The following KCNH5 variants were observed in gnomAD, a reference collection of about 807,000 sequenced individuals.
The protein encoded by KCNH5 is potassium voltage-gated channel subfamily H member 5, also known as voltage-gated delayed rectifier potassium channel KCNH5.
KCNH5 carries 46 observed loss-of-function variants against 96.1 expected under a neutral mutation model. The ratio of observed to expected loss-of-function variants is 0.48; its 90% confidence interval spans 0.38 to 0.61. The LOEUF (loss-of-function observed/expected upper bound fraction) is 0.61. Ranked by LOEUF, KCNH5 falls within the 20% of genes least tolerant of loss-of-function variation. The pLI is 0.00. For missense variants in KCNH5, 907 were observed against 1,225.8 expected, an observed-to-expected ratio of 0.74 and a Z score of 3.88; for synonymous variants, 439 against 449.8, an observed-to-expected ratio of 0.98 and a Z score of 0.30.
At chr14:62,847,170 A>G (rs2140043221) in intron 8 of KCNH5, among the ~76,000 whole-genome samples, 1 of 147,942 alleles carries the variant, frequency 6.8e-6, no homozygotes, top group East Asian at 2.0e-4. Flanking sequence ...TATATATTAT[A>G]TATATAATTT....
At chr14:62,798,211 G>T (rs764457801) in intron 9 of KCNH5, among the ~76,000 whole-genome samples, 10 of 152,104 alleles carry the variant, frequency 6.6e-5, no homozygotes, top group Non-Finnish European at 1.3e-4. Flanking sequence ...AGAATTTGAA[G>T]TTACAACTAA....
chr14:62,895,347 T>G (rs528970552), intron 7 of KCNH5, among the ~76,000 whole-genome samples: 1 of 152,054 alleles, frequency 6.6e-6, no homozygotes, highest in East Asian at 1.9e-4. Flanking sequence ...TTTTTTTTTT[T>G]GAGACAAAGT....
At chr14:62,792,420 G>A (rs989621510) in intron 9 of KCNH5, among the ~76,000 whole-genome samples, 3 of 151,414 alleles carry the variant, frequency 2.0e-5, no homozygotes, top group African/African-American at 7.3e-5. Flanking sequence ...CCTTTAAGGA[G>A]GTAGAAGAAA....
chr14:62,943,817 A>G (rs1467770740), intron 7 of KCNH5, among the ~76,000 whole-genome samples: 2 of 152,140 alleles, frequency 1.3e-5, no homozygotes, highest in African/African-American at 4.8e-5. Context: ...AGAGAAGACA[A>G]ATTTAAGGTA....
chr14:62,815,402 A>G (rs988755704), intron 8 of KCNH5, among the ~76,000 whole-genome samples: 1 of 152,144 alleles, frequency 6.6e-6, no homozygotes, highest in African/African-American at 2.4e-5. Flanking sequence ...ATTTATTTAT[A>G]ATATAATTTG....
intron 4 of KCNH5, among the ~76,000 whole-genome samples, chr14:62,995,235 C>A (rs1038177601): frequency 3.9e-5 from 6 of 151,958 alleles, no homozygotes; most frequent in African/African-American, 1.2e-4. Context: ...GGACTTGGAC[C>A]CTTGTTCCAA....
intron 7 of KCNH5, among the ~76,000 whole-genome samples, chr14:62,870,175 T>C (rs1225293084): frequency 6.6e-6 from 1 of 152,220 alleles, no homozygotes; most frequent in Admixed American, 6.5e-5. Context: ...CAGTGTCACA[T>C]CTGCTTAGGA....
At position 62,735,216 on chromosome 14, in the gene KCNH5, T is replaced by C. The variant is rs532068881; in HGVS notation, c.2020-26761A>G. ...GTAGCACAAGAGTCAAAAGGAAGAG[T>C]AGATATAATCAAACCAATGTTGATG... On this transcript the variant is annotated intron_variant, in intron 10 of 10. Coordinates refer to ENST00000322893, the MANE Select transcript of KCNH5 (RefSeq NM_139318.5). 5.3e-5 allele frequency among the ~76,000 whole-genome samples: 8 copies of C among 151,986 alleles called. No individual in the cohort carries two copies. In the East Asian group the frequency reaches 1.5e-3, roughly 29 times the overall value.
intron 10 of KCNH5, among the ~76,000 whole-genome samples, chr14:62,749,219 C>T (rs970951992): frequency 1.3e-5 from 2 of 152,196 alleles, no homozygotes; most frequent in Non-Finnish European, 2.9e-5. Flanking sequence ...GAATGCCAAT[C>T]CATATCTTTA....
rs1469747817 is a variant in KCNH5 at position 62,856,304 on chromosome 14, T to C, written c.1370-6452A>G. Among the ~76,000 whole-genome samples the C allele has an allele frequency of 2.0e-5, 3 of 152,214 alleles. No homozygotes were observed. In the East Asian group the frequency reaches 5.8e-4, roughly 29 times the overall value. ...CTCCTTATTAGTAATTTTTCCTTCT[T>C]AGATATTATATTTTGTGCCCCTCCA... On this transcript the variant is annotated intron_variant, in intron 7 of 10. Coordinates refer to ENST00000322893, the MANE Select transcript of KCNH5 (RefSeq NM_139318.5).
intron 3 of KCNH5, 29 bp from the exon 4 acceptor site, chr14:63,001,488 C>T (rs1397001118): frequency 7.5e-6 from 12 of 1,593,886 alleles, no homozygotes; most frequent in Non-Finnish European, 1.0e-5. Context: ...GGGGAAAGGA[C>T]ATTAGAGTGT....
chr14:62,948,166 T>G (rs1889929844), intron 7 of KCNH5, among the ~76,000 whole-genome samples: 1 of 152,218 alleles, frequency 6.6e-6, no homozygotes. Flanking sequence ...CGCATCATTT[T>G]TTATGGCTGC....
At chr14:62,905,110 C>T (rs1889001976) in intron 7 of KCNH5, among the ~76,000 whole-genome samples, 1 of 152,194 alleles carries the variant, frequency 6.6e-6, no homozygotes, top group African/African-American at 2.4e-5. Flanking sequence ...TGGCATTATA[C>T]CCTTAGTAGG....
intron 10 of KCNH5, among the ~76,000 whole-genome samples, chr14:62,736,477 A>T (rs1051065797): frequency 6.6e-6 from 1 of 152,040 alleles, no homozygotes; most frequent in Admixed American, 6.6e-5. Flanking sequence ...CACAAATAAC[A>T]TCTCCAGACA....
intron 10 of KCNH5, among the ~76,000 whole-genome samples, chr14:62,760,239 G>A (rs1185696891): frequency 1.3e-5 from 2 of 151,970 alleles, no homozygotes; most frequent in South Asian, 2.1e-4. Flanking sequence ...TTTTTCACAC[G>A]AGAATGAGTA....
chr14:62,963,534 T>C (rs1342453714), intron 6 of KCNH5, among the ~76,000 whole-genome samples: 1 of 142,414 alleles, frequency 7.0e-6, no homozygotes, highest in Non-Finnish European at 1.6e-5. Flanking sequence ...GCCAATGGTG[T>C]AAATTCCAGT....
intron 1 of KCNH5, among the ~76,000 whole-genome samples, chr14:63,022,280 C>T (rs1049170608): frequency 6.6e-6 from 1 of 152,066 alleles, no homozygotes; most frequent in Non-Finnish European, 1.5e-5. Flanking sequence ...CTTTTATCTC[C>T]TAAAACTCTT....
intron 10 of KCNH5, among the ~76,000 whole-genome samples, chr14:62,723,054 G>A (rs1321453496): frequency 6.6e-6 from 1 of 152,158 alleles, no homozygotes; most frequent in Non-Finnish European, 1.5e-5. Flanking sequence ...CTCACAGGTG[G>A]CTTTAGCTCT....
intron 1 of KCNH5, among the ~76,000 whole-genome samples, chr14:63,021,076 C>T (rs190475578): frequency 6.6e-6 from 1 of 152,030 alleles, no homozygotes; most frequent in Non-Finnish European, 1.5e-5. Context: ...TCGCCTTAGC[C>T]CAAGCCAGTT....
Sources: gnomAD v4.1 joint callset for allele counts (sites outside exome capture counted in the v4.1 genomes callset) on GRCh38, gnomAD v4.1.1 for gene constraint, MANE v1.5 for transcripts, NCBI Gene and HGNC (gene_info 2026-07-23, HGNC 2026-07-21) for gene names.